Variants in IDH1 observed in about 807,000 individuals in gnomAD.
IDH1 encodes the protein isocitrate dehydrogenase (NADP(+)) 1.
A neutral mutation model predicts 46.1 loss-of-function variants in IDH1; 33 were observed. That is an observed-to-expected ratio of 0.72 (90% CI 0.54 to 0.96). IDH1 has a LOEUF of 0.96. Ranked by LOEUF, IDH1 falls within the 40% of genes least tolerant of loss-of-function variation. The probability of loss-of-function intolerance (pLI) is 0.00; values close to 1 mark genes in which losing one functional copy is unlikely to be tolerated. For missense variants in IDH1, 421 were observed against 515.7 expected (o/e 0.82, Z 1.78); for synonymous variants, 144 against 172.8 (o/e 0.83, Z 1.31).
intron 7 of IDH1, among the ~76,000 whole-genome samples, chr2:208,241,778 C>T (rs1687923315): frequency 6.6e-6 from 1 of 152,128 alleles, no homozygotes; most frequent in East Asian, 1.9e-4. Context: ...GACACTGGAG[C>T]CAGGAGTGTC....
chr2:208,239,797 G>C, intron 8 of IDH1, 66 bp downstream of exon 8: 1 of 1,532,352 alleles, frequency 6.5e-7, no homozygotes, highest in Non-Finnish European at 9.0e-7. Context: ...GAGCAGCCAA[G>C]GGAACACATC....
In IDH1 at chr2:208,239,999, A is replaced by G; in HGVS notation, c.855T>C (p.Tyr285=). The G allele has an allele frequency of 6.2e-7, 1 of 1,614,222 alleles. No individual in the cohort carries two copies. The highest frequency in any genetic ancestry group is 8.5e-7 in the Non-Finnish European group (1 of 1,180,034). Residue 285 remains tyrosine, a synonymous_variant, in exon 8 of 10, where the codon TAT becomes TAC. Transcript: ENST00000345146. The part of the protein sequence containing the change: ...DVQSDSVAQG[Y]GSLGMMTSVL... The stretch of plus-strand genomic sequence containing the variant: ...CGCTGGTCATCATGCCGAGAGAGCC[A>G]TACCCTGTAAGTAGTGGAGCATGAA...
chr2:208,243,343 A>G lies in IDH1; in HGVS notation c.698+84T>C, dbSNP rs1010190017. 2.9e-5 allele frequency: 31 copies of G among 1,051,228 alleles called. No homozygotes were observed. The African/African-American group carries it at 4.0e-4, about 13-fold the overall frequency. 65.1% of individuals were successfully genotyped at this position (1,051,228 alleles called of 1,614,324 possible). On this transcript the variant is annotated intron_variant, in intron 6 of 9. Transcript: ENST00000345146. ...ATTTTCACTCAATTTACCCAGAATC[A>G]TAGGGATAGGGAGATACATACTCTA...
intron 7 of IDH1, among the ~76,000 whole-genome samples, chr2:208,240,536 C>T (rs1199302939): frequency 4.6e-5 from 7 of 152,110 alleles, no homozygotes; most frequent in African/African-American, 1.7e-4. Flanking sequence ...TAAGAACCCT[C>T]AAGCTGCTCA....
intron 2 of IDH1, among the ~76,000 whole-genome samples, chr2:208,251,919 C>A (rs1472073586): frequency 6.6e-6 from 1 of 152,066 alleles, no homozygotes; most frequent in African/African-American, 2.4e-5. Context: ...CTATAACGTG[C>A]CCTTCATAAT....
chr2:208,242,756 T>C (rs143503410), intron 6 of IDH1, among the ~76,000 whole-genome samples: 3,204 of 144,400 alleles, frequency 0.022, 120 homozygotes, highest in African/African-American at 0.087. Context: ...AATTCTTTTT[T>C]TTCTTTTCTT....
In IDH1 at chr2:208,239,866, T is replaced by C; in HGVS notation, c.988A>G (p.Ile330Val). 2.5e-6 allele frequency: 4 copies of C among 1,614,142 alleles called. No individual in the cohort carries two copies. Among genetic ancestry groups the C allele is most frequent in the Non-Finnish European group, 3.4e-6 (4 of 1,179,996 alleles). ...QKGQETSTNP[I>V]ASIFAWTRGL... ...ATCAATGTAAACACCATCTTACCAA[T>C]GGGATTGGTGGACGTCTCCTGTCCT... is the stretch of plus-strand genomic sequence containing the variant. The change falls in exon 8 of 10, where the codon ATT becomes GTT. Residue 330 changes from isoleucine (I) to valine (V), a missense_variant. Coordinates refer to ENST00000345146, the MANE Select transcript of IDH1 (RefSeq NM_005896.4).
intron 9 of IDH1, 55 bp downstream of exon 9, chr2:208,239,016 C>G (rs934520634): frequency 2.1e-6 from 3 of 1,454,954 alleles, no homozygotes; most frequent in Middle Eastern, 2.1e-4. Flanking sequence ...ATGCTCTGAG[C>G]CCAGTGAGGA....
Position 208,243,477 on chromosome 2 carries a change from C to T in IDH1, c.648G>A (p.Leu216=), listed in dbSNP as rs377538429. 6.2e-6 allele frequency: 10 copies of T among 1,614,008 alleles called. No individual in the cohort carries two copies. The highest frequency in any genetic ancestry group is 7.6e-6 in the Non-Finnish European group (9 of 1,179,900). Residue 216 remains leucine, a synonymous_variant, in exon 6 of 10, where the codon CTG becomes CTA. Transcript: ENST00000345146. ...CTTTAAAACGCCCATCATATTTCTTCAGAATAGTGTTTTTGGTGCTCAGAT... is the reference window on the plus strand; with the variant it reads ...CTTTAAAACGCCCATCATATTTCTTTAGAATAGTGTTTTTGGTGCTCAGAT... ...PLYLSTKNTI[L]KKYDGRFKDI...
At chr2:208,238,875 T>C (rs1302592439) in intron 9 of IDH1, among the ~76,000 whole-genome samples, 196 bp downstream of exon 9, 1 of 152,224 alleles carries the variant, frequency 6.6e-6, no homozygotes, top group Non-Finnish European at 1.5e-5. Flanking sequence ...CAAAGTTGAA[T>C]AGTTGTGTAG....
intron 2 of IDH1, among the ~76,000 whole-genome samples, chr2:208,251,825 T>A (rs1334876699): frequency 1.3e-5 from 2 of 151,950 alleles, no homozygotes; most frequent in African/African-American, 4.8e-5. Context: ...TCCAAAAAAA[T>A]GGCCATCATT....
intron 4 of IDH1, among the ~76,000 whole-genome samples, chr2:208,246,321 C>G (rs996107796): frequency 6.6e-6 from 1 of 152,180 alleles, no homozygotes; most frequent in African/African-American, 2.4e-5. Context: ...TAGGTACCAG[C>G]AGGTGCCGGC....
chr2:208,238,760 T>C (rs1438005959), intron 9 of IDH1, among the ~76,000 whole-genome samples: 1 of 152,250 alleles, frequency 6.6e-6, no homozygotes, highest in Non-Finnish European at 1.5e-5. Flanking sequence ...GCCCAGCACA[T>C]GAACCAAATC....
At chr2:208,252,029 G>A (rs3769521) in intron 2 of IDH1, among the ~76,000 whole-genome samples, 19,117 of 152,002 alleles carry the variant, frequency 0.13, 1,503 homozygotes, top group South Asian at 0.28. Flanking sequence ...CATTTTACTG[G>A]GCTCTCAAGA....
chr2:208,240,469 T>C (rs566212339), intron 7 of IDH1, among the ~76,000 whole-genome samples: 1 of 152,248 alleles, frequency 6.6e-6, no homozygotes, highest in South Asian at 2.1e-4. Flanking sequence ...TTATTGTTAT[T>C]CTTATGTGCA....
In IDH1 at chr2:208,245,337, G is replaced by C. The variant is rs1687995681; in HGVS notation, c.502C>G (p.Leu168Val). The C allele has an allele frequency of 6.3e-7, 1 of 1,592,106 alleles. No homozygotes were observed. The highest frequency in any genetic ancestry group is 8.6e-7 in the Non-Finnish European group (1 of 1,161,172). Residue 168 changes from leucine (L) to valine (V), a missense_variant, in exon 5 of 10, where the codon CTG becomes GTG. By Grantham distance (32) the Leu-to-Val change is conservative. Coordinates refer to ENST00000345146, the MANE Select transcript of IDH1 (RefSeq NM_005896.4). The stretch of plus-strand genomic sequence containing the variant: ...TACATACCTTCAAAGTTATGTACCA[G>C]GTATGTCACCTTTTGGGTTCCGTCA... ...PSDGTQKVTY[L>V]VHNFEEGGGV...
intron 2 of IDH1, among the ~76,000 whole-genome samples, chr2:208,253,641 C>A (rs76395405): frequency 5.3e-5 from 8 of 152,112 alleles, no homozygotes; most frequent in African/African-American, 1.7e-4. Flanking sequence ...TTTTCATCAA[C>A]CTCAAGTTTT....
chr2:208,241,261 G>C (rs1214024216), intron 7 of IDH1, among the ~76,000 whole-genome samples: 1 of 152,182 alleles, frequency 6.6e-6, no homozygotes, highest in African/African-American at 2.4e-5. Context: ...GTCTTGCTCT[G>C]TTGCCCAGGC....
At chr2:208,245,546 CTTT>C (rs34363027) in intron 4 of IDH1, 122 bp from the exon 5 acceptor site, 718 of 336,782 alleles carry the variant, frequency 2.1e-3, no homozygotes, top group Middle Eastern at 3.1e-3. Context: ...TGTCAAACTT[CTTT>C]TTTTTTTTTT....
Sources: allele counts gnomAD v4.1 joint callset (sites outside exome capture counted in the v4.1 genomes callset), GRCh38; gene constraint gnomAD v4.1.1; transcripts MANE v1.5; gene names NCBI Gene and HGNC (gene_info 2026-07-23, HGNC 2026-07-21).